B3GALT1: variants seen among roughly 807,000 people sequenced by gnomAD.
The protein encoded by B3GALT1 is beta-1,3-galactosyltransferase 1.
B3GALT1 carries 10 observed loss-of-function variants against 23.2 expected under a neutral mutation model. That is an observed-to-expected ratio of 0.43 (90% confidence interval 0.27 to 0.73). The LOEUF is 0.73. Among genes scored for constraint, B3GALT1 ranks in the 30% least tolerant of loss-of-function variants. B3GALT1 has a pLI of 0.21. For missense variants in B3GALT1, 299 were observed against 405.4 expected, an observed-to-expected ratio of 0.74 and a Z score of 2.25; for synonymous variants, 156 against 141.5, an observed-to-expected ratio of 1.10 and a Z score of -0.73.
At chr2:167,382,804 G>T (rs1477002797) in intron 1 of B3GALT1, among the ~76,000 whole-genome samples, 18 of 152,076 alleles carry the variant, frequency 1.2e-4, no homozygotes, top group Non-Finnish European at 2.9e-5. Context: ...TCACCAGGGA[G>T]AATTTTACCT....
At chr2:167,655,970 A>G (rs1345892780) in intron 3 of B3GALT1, among the ~76,000 whole-genome samples, 1 of 152,096 alleles carries the variant, frequency 6.6e-6, no homozygotes, top group Non-Finnish European at 1.5e-5. Flanking sequence ...TCAATTTAGA[A>G]AGTGTCGAAG....
At chr2:167,403,599 A>G (rs1297702637) in intron 1 of B3GALT1, among the ~76,000 whole-genome samples, 1 of 152,174 alleles carries the variant, frequency 6.6e-6, no homozygotes, top group Non-Finnish European at 1.5e-5. Flanking sequence ...TATGATTTGC[A>G]TAATCTGATG....
At chr2:167,656,135 T>C (rs1184327562) in intron 3 of B3GALT1, among the ~76,000 whole-genome samples, 1 of 152,050 alleles carries the variant, frequency 6.6e-6, no homozygotes, top group African/African-American at 2.4e-5. Context: ...GGACAGAATG[T>C]TGGGCTTTCT....
chr2:167,783,936 A>G (rs761807905), intron 3 of B3GALT1, among the ~76,000 whole-genome samples: 2 of 152,240 alleles, frequency 1.3e-5, no homozygotes, highest in African/African-American at 2.4e-5. Context: ...AGAAATAAGC[A>G]TGACCATCTG....
chr2:167,603,461 G>T (rs1442981276), intron 2 of B3GALT1, among the ~76,000 whole-genome samples: 1 of 152,180 alleles, frequency 6.6e-6, no homozygotes, highest in African/African-American at 2.4e-5. Flanking sequence ...ATCCATCATG[G>T]GATTGTTGTG....
intron 3 of B3GALT1, among the ~76,000 whole-genome samples, chr2:167,666,436 G>A (rs1686189666): frequency 6.6e-6 from 1 of 152,048 alleles, no homozygotes; most frequent in African/African-American, 2.4e-5. Flanking sequence ...GTTGATTTGG[G>A]GTGGAGAGTT....
At position 167,338,513 on chromosome 2, in the gene B3GALT1, G is replaced by A. The variant is rs538327022; in HGVS notation, c.-511+45179G>A. Reference sequence around the variant, plus strand: ...TCAGAAAAGAAACACATGAATACCCGAAAACTTAGTAGATGATATAAATGG... The same window carrying A: ...TCAGAAAAGAAACACATGAATACCCAAAAACTTAGTAGATGATATAAATGG... On this transcript the variant is annotated intron_variant, in intron 1 of 4. Coordinates refer to ENST00000392690, the MANE Select transcript of B3GALT1 (RefSeq NM_020981.4). Among the ~76,000 whole-genome samples, 426 of 152,030 alleles carry A rather than the reference G, an allele frequency of 2.8e-3. 1 individual carries two copies. Among genetic ancestry groups the A allele is most frequent in the Non-Finnish European group, 5.0e-3 (338 of 67,944 alleles).
intron 1 of B3GALT1, among the ~76,000 whole-genome samples, chr2:167,387,850 C>G (rs1055062349): frequency 6.6e-6 from 1 of 152,174 alleles, no homozygotes; most frequent in African/African-American, 2.4e-5. Flanking sequence ...CTTTGTGCAT[C>G]TGGCAGAATA....
rs892944314 is a variant in B3GALT1 at position 167,625,515 on chromosome 2, A to G, written c.-409-21394A>G. 1.1e-4 allele frequency among the ~76,000 whole-genome samples: 16 copies of G among 151,840 alleles called. No individual in the cohort carries two copies. The Admixed American group carries it at 1.1e-3, about 10-fold the overall frequency. On this transcript the variant is annotated intron_variant, in intron 2 of 4. Transcript: ENST00000392690. ...TAAAATAAAAATTTTGAAAAGGCCGACTGTCAGAAGAAGAAATTGGATATA... is the reference window on the plus strand; with the variant it reads ...TAAAATAAAAATTTTGAAAAGGCCGGCTGTCAGAAGAAGAAATTGGATATA...
chr2:167,456,781 C>A (rs571510629), intron 1 of B3GALT1, among the ~76,000 whole-genome samples: 35 of 152,256 alleles, frequency 2.3e-4, no homozygotes, highest in African/African-American at 8.4e-4. Context: ...GCATGTGGAG[C>A]TTCTGTGCCC....
In B3GALT1 at chr2:167,871,367, G is replaced by C. The variant is rs1345607239; in HGVS notation, c.*1347G>C. The C allele has an allele frequency of 6.6e-6, 1 of 152,150 alleles. No individual in the cohort carries two copies. The highest frequency in any genetic ancestry group is 1.5e-5 in the Non-Finnish European group (1 of 68,024). The allele number at this position is 152,150 out of a possible 1,614,324, so 9.4% of individuals were successfully genotyped here. On this transcript the variant is annotated 3_prime_UTR_variant, in exon 5 of 5. Transcript: ENST00000392690. ...TATTATGCTAAATGCTAAAATAATTGCATAATTACAATGATGGTCATCAGT... is the reference window on the plus strand; with the variant it reads ...TATTATGCTAAATGCTAAAATAATTCCATAATTACAATGATGGTCATCAGT...
At chr2:167,500,631 T>C (rs968358714) in intron 2 of B3GALT1, among the ~76,000 whole-genome samples, 1 of 113,370 alleles carries the variant, frequency 8.8e-6, no homozygotes, top group Non-Finnish European at 1.7e-5. Flanking sequence ...ACTTGACTTA[T>C]AAGGAAAAAA....
At chr2:167,467,110 T>G (rs1462622261) in intron 1 of B3GALT1, among the ~76,000 whole-genome samples, 1 of 151,886 alleles carries the variant, frequency 6.6e-6, no homozygotes, top group Non-Finnish European at 1.5e-5. Flanking sequence ...GTCTACAATT[T>G]TTTTTTTTAG....
chr2:167,775,696 A>ACACG (rs1688150321), intron 3 of B3GALT1, among the ~76,000 whole-genome samples: 1 of 152,060 alleles, frequency 6.6e-6, no homozygotes, highest in African/African-American at 2.4e-5. Context: ...ACACACACAC[A>ACACG]CACAAACTTA....
At chr2:167,555,278 A>G (rs1246683629) in intron 2 of B3GALT1, among the ~76,000 whole-genome samples, 2 of 152,188 alleles carry the variant, frequency 1.3e-5, no homozygotes, top group Non-Finnish European at 2.9e-5. Context: ...TGCATACATT[A>G]TCATACACAT....
intron 2 of B3GALT1, among the ~76,000 whole-genome samples, chr2:167,526,073 C>T (rs1369918171): frequency 2.0e-5 from 3 of 152,092 alleles, no homozygotes; most frequent in African/African-American, 7.2e-5. Context: ...CCAAGGACCC[C>T]TGGTTCCCTT....
intron 2 of B3GALT1, among the ~76,000 whole-genome samples, chr2:167,615,258 T>C (rs1428012957): frequency 6.6e-6 from 1 of 152,010 alleles, no homozygotes; most frequent in Non-Finnish European, 1.5e-5. Flanking sequence ...GAAGATGTTA[T>C]ATTAAGTAAA....
intron 1 of B3GALT1, among the ~76,000 whole-genome samples, chr2:167,320,155 A>G (rs1233563690): frequency 6.6e-6 from 1 of 150,522 alleles, no homozygotes; most frequent in East Asian, 1.9e-4. Flanking sequence ...TTCTCCCTTT[A>G]TGCAATTCAA....
intron 2 of B3GALT1, among the ~76,000 whole-genome samples, chr2:167,612,648 T>C (rs1220280576): frequency 6.6e-6 from 1 of 151,972 alleles, no homozygotes; most frequent in African/African-American, 2.4e-5. Flanking sequence ...AATTTTTTGC[T>C]ATTTTCCAAA....
Sources: allele counts gnomAD v4.1 joint callset (sites outside exome capture counted in the v4.1 genomes callset), GRCh38; gene constraint gnomAD v4.1.1; transcripts MANE v1.5; gene names NCBI Gene and HGNC (gene_info 2026-07-23, HGNC 2026-07-21).